TMEM70: variants seen among roughly 807,000 people sequenced by gnomAD.
TMEM70 encodes transmembrane protein 70.
A neutral mutation model predicts 20.5 loss-of-function variants in TMEM70; 15 were observed. That is an observed-to-expected ratio of 0.73 (90% CI 0.49 to 1.13). TMEM70 has a LOEUF of 1.13. Among genes scored for constraint, TMEM70 ranks in the 50% most tolerant of loss-of-function variants. The pLI is 0.00. For missense variants in TMEM70, 344 were observed against 331.7 expected (o/e 1.04, Z -0.29); for synonymous variants, 141 against 134.2 (o/e 1.05, Z -0.35).
At chr8:73,978,684 C>T in intron 1 of TMEM70, 72 bp from the exon 2 acceptor site, 6 of 1,501,500 alleles carry the variant, frequency 4.0e-6, no homozygotes, top group Non-Finnish European at 3.6e-6. Context: ...CAGAGCAAGA[C>T]TCTGTCTCAA....
At chr8:73,978,902 T>C (rs779387611) in intron 2 of TMEM70, 41 bp downstream of exon 2, 2 of 1,609,110 alleles carry the variant, frequency 1.2e-6, no homozygotes, top group South Asian at 2.2e-5. Flanking sequence ...TGTTTTTTTC[T>C]CTTTTAATTG....
At position 73,981,401 on chromosome 8, in the gene TMEM70, T is replaced by C. The variant is rs1815795157; in HGVS notation, c.563T>C (p.Leu188Pro). The change falls in exon 3 of 3, where the codon CTT (leucine) becomes CCT (proline). Residue 188 changes from leucine (L) to proline (P), a missense_variant. Transcript: ENST00000312184. ...TYKAITYNAM[L>P]AETSTVFHQN... ...AAAGCCATTACCTACAATGCTATGC[T>C]TGCAGAAACGAGTACAGTGTTTCAC... is the stretch of plus-strand genomic sequence containing the variant. 6.2e-7 allele frequency: 1 copy of C among 1,614,236 alleles called. No individual in the cohort carries two copies. Among genetic ancestry groups the C allele is most frequent in the Admixed American group, 1.7e-5 (1 of 60,022 alleles).
chr8:73,981,990 T>C lies in TMEM70; in HGVS notation c.*369T>C. On this transcript the variant is annotated 3_prime_UTR_variant, in exon 3 of 3. Transcript: ENST00000312184. ...ATATTTTCCGACATTAAAAGACATT[T>C]TCTCTTTGAGGAAGACACAGTCATA... is the stretch of plus-strand genomic sequence containing the variant. 2.1e-6 allele frequency: 1 copy of C among 469,456 alleles called. No homozygotes were observed. The highest frequency in any genetic ancestry group is 4.2e-6 in the Non-Finnish European group (1 of 237,018). The allele number at this position is 469,456 out of a possible 1,614,324, so 29.1% of individuals were successfully genotyped here. A position where few individuals can be genotyped will look rare whatever the true frequency, so the allele number is the denominator to read the frequency against.
Position 73,982,089 on chromosome 8 carries a change from C to T in TMEM70, c.*468C>T, listed in dbSNP as rs986363422. ...CTTTGCTGTTGCCTGAGGACCAAGT[C>T]TGTCAGGAAGCTGGCTAGGAAGCCT... On this transcript the variant is annotated 3_prime_UTR_variant, in exon 3 of 3. Transcript: ENST00000312184. The T allele has an allele frequency of 2.1e-6, 1 of 474,736 alleles. No homozygotes were observed. The highest frequency in any genetic ancestry group is 2.0e-5 in the African/African-American group (1 of 50,854). The allele number at this position is 474,736 out of a possible 1,614,324, so 29.4% of individuals were successfully genotyped here. A position where few individuals can be genotyped will look rare whatever the true frequency, so the allele number is the denominator to read the frequency against.
In TMEM70 at chr8:73,976,503, G is replaced by A; in HGVS notation, c.210+12G>A. ...CGGGTCGAGCGCAGGTAGGGCGTCC[G>A]AGGTCTGGTGTCCCAAGTGAGGCGG... On this transcript the variant is annotated intron_variant, in intron 1 of 2. Transcript: ENST00000312184. 6.6e-7 allele frequency: 1 copy of A among 1,512,746 alleles called. No individual in the cohort carries two copies. The highest frequency in any genetic ancestry group is 2.5e-5 in the East Asian group (1 of 40,796). The allele number at this position is 1,512,746 out of a possible 1,614,324, so 93.7% of individuals were successfully genotyped here. A position where few individuals can be genotyped will look rare whatever the true frequency, so the allele number is the denominator to read the frequency against.
In TMEM70 at chr8:73,982,020, G is replaced by A. The variant is rs546160999; in HGVS notation, c.*399G>A. 2 of 465,026 alleles carry A rather than the reference G, an allele frequency of 4.3e-6. No homozygotes were observed. The highest frequency in any genetic ancestry group is 3.9e-5 in the African/African-American group (2 of 50,664). 28.8% of individuals were successfully genotyped at this position (465,026 alleles called of 1,614,324 possible). A position where few individuals can be genotyped will look rare whatever the true frequency, so the allele number is the denominator to read the frequency against. On this transcript the variant is annotated 3_prime_UTR_variant, in exon 3 of 3. Coordinates refer to ENST00000312184, the MANE Select transcript of TMEM70 (RefSeq NM_017866.6). ...TTTGAGGAAGACACAGTCATAGGTG[G>A]TGCGGAGCTGTGGTCCACCTGCTCC...
chr8:73,978,842 T>C lies in TMEM70; in HGVS notation c.297T>C (p.Asn99=), dbSNP rs1479940073. The change falls in exon 2 of 3, where the codon AAT becomes AAC. Residue 99 remains asparagine, a synonymous_variant. Transcript: ENST00000312184. ...SEDGRLIYTG[N]MARAVFGVKC... is the part of the protein sequence containing the mutation. ...ATGGAAGGCTAATTTATACTGGCAA[T>C]ATGGCCCGAGCAGTGTTTGGTAAGT... 4 of 1,614,038 alleles carry C rather than the reference T, an allele frequency of 2.5e-6. No individual in the cohort carries two copies. The highest frequency in any genetic ancestry group is 2.5e-6 in the Non-Finnish European group (3 of 1,180,008).
chr8:73,981,813 A>G lies in TMEM70; in HGVS notation c.*192A>G. The G allele has an allele frequency of 1.5e-6, 1 of 680,696 alleles. No homozygotes were observed. Among genetic ancestry groups the G allele is most frequent in the Non-Finnish European group, 2.7e-6 (1 of 374,554 alleles). The allele number at this position is 680,696 out of a possible 1,614,324, so 42.2% of individuals were successfully genotyped here. A position where few individuals can be genotyped will look rare whatever the true frequency, so the allele number is the denominator to read the frequency against. On this transcript the variant is annotated 3_prime_UTR_variant, in exon 3 of 3. Transcript: ENST00000312184. ...TGAAAACCAAAATGTAGTATCTACC[A>G]TTCGTGTTTTAGAAAGGTATGTGAA...
intron 2 of TMEM70, 198 bp downstream of exon 2, chr8:73,979,059 A>T: frequency 1.4e-6 from 1 of 702,820 alleles, no homozygotes; most frequent in Non-Finnish European, 2.5e-6. Flanking sequence ...TTTGAGACAG[A>T]GTCTCACTCT....
At chr8:73,977,846 A>G (rs928055833) in intron 1 of TMEM70, among the ~76,000 whole-genome samples, 9 of 152,148 alleles carry the variant, frequency 5.9e-5, no homozygotes, top group Non-Finnish European at 1.2e-4. Flanking sequence ...TAGAATGGAA[A>G]TGATGTCGTC....
intron 1 of TMEM70, among the ~76,000 whole-genome samples, chr8:73,977,639 C>T (rs1563697818): frequency 6.6e-6 from 1 of 152,000 alleles, no homozygotes; most frequent in Non-Finnish European, 1.5e-5. Context: ...TGTGAGTTTG[C>T]GGAGTATTTT....
Position 73,982,321 on chromosome 8 carries a change from AACTT to A in TMEM70, c.*703_*706del. Reference sequence around the variant, plus strand: ...AGACTTTGAGAATCACTACAAGAAAAACTTACGGTGAAGGTTCTAAGGCATGGGA... The same window carrying A: ...AGACTTTGAGAATCACTACAAGAAAAACGGTGAAGGTTCTAAGGCATGGGA... On this transcript the variant is annotated 3_prime_UTR_variant, in exon 3 of 3. Transcript: ENST00000312184. 4.5e-6 allele frequency: 3 copies of A among 661,396 alleles called. No individual in the cohort carries two copies. Among genetic ancestry groups the A allele is most frequent in the South Asian group, 4.1e-5 (3 of 73,892 alleles). 41.0% of individuals were successfully genotyped at this position (661,396 alleles called of 1,614,324 possible). A position where few individuals can be genotyped will look rare whatever the true frequency, so the allele number is the denominator to read the frequency against.
At position 73,981,482 on chromosome 8, in the gene TMEM70, A is replaced by C. The variant is rs1815797422; in HGVS notation, c.644A>C (p.Lys215Thr). The C allele has an allele frequency of 6.2e-7, 1 of 1,614,038 alleles. No individual in the cohort carries two copies. The highest frequency in any genetic ancestry group is 8.5e-7 in the Non-Finnish European group (1 of 1,180,014). ...AKHVFTTFYA[K>T]TKSLLVNPVL... ...CATGTATTTACCACATTTTATGCTA[A>C]AACAAAATCACTGTTAGTTAATCCA... Residue 215 changes from lysine (K) to threonine (T), a missense_variant, in exon 3 of 3, where the codon AAA becomes ACA. Coordinates refer to ENST00000312184, the MANE Select transcript of TMEM70 (RefSeq NM_017866.6).
rs1393170351 is a variant in TMEM70, at chr8:73,982,243, T to TA, written c.*622_*623insA. 1 of 583,880 alleles carries TA rather than the reference T, an allele frequency of 1.7e-6. No homozygotes were observed. The highest frequency in any genetic ancestry group is 3.3e-6 in the Non-Finnish European group (1 of 302,008). 36.2% of individuals were successfully genotyped at this position (583,880 alleles called of 1,614,324 possible). On this transcript the variant is annotated 3_prime_UTR_variant, in exon 3 of 3. Coordinates refer to ENST00000312184, the MANE Select transcript of TMEM70 (RefSeq NM_017866.6). ...CTGGATAAGGTGTGTGCTGACTTGA[T>TA]CTGAGGAGCAAAGGAAAAGAATCAG... is the stretch of plus-strand genomic sequence containing the variant.
Position 73,976,427 on chromosome 8 carries a change from T to A in TMEM70, c.146T>A (p.Val49Glu). The change falls in exon 1 of 3, where the codon GTA (valine) becomes GAA (glutamate). Residue 49 changes from valine (V) to glutamate (E), a missense_variant. Coordinates refer to ENST00000312184, the MANE Select transcript of TMEM70 (RefSeq NM_017866.6). ...TCCAGCAGCGGGCCTTCGGGGCCGG[T>A]AGCCGGCTGGAGTACGGGGCCTTCG... Reference protein sequence around the residue: ...ASSSSGPSGPVAGWSTGPSGA... With the variant: ...ASSSSGPSGPEAGWSTGPSGA... 6.3e-7 allele frequency: 1 copy of A among 1,575,366 alleles called. No homozygotes were observed.
In TMEM70 at chr8:73,982,299, C is replaced by CTT. The variant is rs751446672; in HGVS notation, c.*680_*681dup. Reference sequence around the variant, plus strand: ...GGACCAGTTTGAATGCCTACCAAGACTTTGAGAATCACTACAAGAAAAACT... The same window carrying CTT: ...GGACCAGTTTGAATGCCTACCAAGACTTTTTGAGAATCACTACAAGAAAAACT... On this transcript the variant is annotated 3_prime_UTR_variant, in exon 3 of 3. Transcript: ENST00000312184. The CTT allele has an allele frequency of 3.2e-6, 2 of 634,876 alleles. No homozygotes were observed. The highest frequency in any genetic ancestry group is 3.0e-6 in the Non-Finnish European group (1 of 338,088). The allele number at this position is 634,876 out of a possible 1,614,324, so 39.3% of individuals were successfully genotyped here.
chr8:73,982,137 C>T lies in TMEM70; in HGVS notation c.*516C>T. 1.9e-6 allele frequency: 1 copy of T among 520,494 alleles called. No homozygotes were observed. Among genetic ancestry groups the T allele is most frequent in the Non-Finnish European group, 3.8e-6 (1 of 261,952 alleles). 32.2% of individuals were successfully genotyped at this position (520,494 alleles called of 1,614,324 possible). ...CCTTGCAGCAGCCATGGCTTTTAAA[C>T]ATACCAGAAAAACACCCGTGGAGTC... On this transcript the variant is annotated 3_prime_UTR_variant, in exon 3 of 3. Transcript: ENST00000312184.
chr8:73,977,321 A>G (rs1331970153), intron 1 of TMEM70, among the ~76,000 whole-genome samples: 1 of 151,110 alleles, frequency 6.6e-6, no homozygotes, highest in Non-Finnish European at 1.5e-5. Context: ...AGTTGGGATT[A>G]CAGGCGCGCT....
chr8:73,979,376 T>G (rs542828405), intron 2 of TMEM70, among the ~76,000 whole-genome samples: 7 of 152,204 alleles, frequency 4.6e-5, no homozygotes, highest in African/African-American at 1.7e-4. Context: ...CTCATTGCTT[T>G]ATTTTTTTAT....
Sources: gnomAD v4.1 joint callset for allele counts (sites outside exome capture counted in the v4.1 genomes callset) on GRCh38, gnomAD v4.1.1 for gene constraint, MANE v1.5 for transcripts, NCBI Gene and HGNC (gene_info 2026-07-23, HGNC 2026-07-21) for gene names.